The following TRIM37 variants were observed in gnomAD, a reference collection of about 807,000 sequenced individuals.
The protein encoded by TRIM37 is E3 ubiquitin-protein ligase TRIM37.
TRIM37 carries 80 observed loss-of-function variants against 129.8 expected under a neutral mutation model. The observed-to-expected ratio is 0.62, with a 90% CI of 0.51 to 0.74. The LOEUF (loss-of-function observed/expected upper bound fraction) is 0.74, where lower values mean the gene tolerates loss of function less well. TRIM37 is among the 30% of genes least tolerant of loss of function. TRIM37 has a pLI of 0.00. For missense variants in TRIM37, 1,054 were observed against 1,176.5 expected, an observed-to-expected ratio of 0.90 and a Z score of 1.52; for synonymous variants, 389 against 387.1, an observed-to-expected ratio of 1.00 and a Z score of -0.06.
chr17:59,081,350 A>G (rs2043237672), intron 5 of TRIM37, 131 bp from the exon 6 acceptor site: 1 of 1,346,928 alleles, frequency 7.4e-7, no homozygotes, highest in Admixed American at 1.9e-5. Flanking sequence ...AGCTAATTTA[A>G]TTTTGTTGAA....
intron 13 of TRIM37, among the ~76,000 whole-genome samples, chr17:59,053,933 TAAACA>T: frequency 6.6e-6 from 1 of 151,038 alleles, no homozygotes; most frequent in East Asian, 2.0e-4. Flanking sequence ...ACACTGACTC[TAAACA>T]AAACAAAACA....
intron 24 of TRIM37, chr17:58,984,087 A>G (rs2143886028): frequency 6.5e-6 from 1 of 152,744 alleles, no homozygotes; most frequent in African/African-American, 2.4e-5. Context: ...ACATATGTAT[A>G]TACCTTTTCT....
At chr17:59,094,128 A>C (rs778086280) in intron 2 of TRIM37, among the ~76,000 whole-genome samples, 6 of 152,138 alleles carry the variant, frequency 3.9e-5, no homozygotes, top group Non-Finnish European at 8.8e-5. Context: ...CTCTGACCTC[A>C]AGTGATCTGC....
In TRIM37 at chr17:59,035,102, C is replaced by G. The variant is rs971290957; in HGVS notation, c.1754-3012G>C. On this transcript the variant is annotated intron_variant, in intron 17 of 23. Transcript: ENST00000262294. ...TGAGACAAAGTCTTGCTTTGTCACCCAGGCTGGAGTACAGTGGCACAATCT... is the reference window on the plus strand; with the variant it reads ...TGAGACAAAGTCTTGCTTTGTCACCGAGGCTGGAGTACAGTGGCACAATCT... Among the ~76,000 whole-genome samples, 7 of 151,940 alleles carry G rather than the reference C, an allele frequency of 4.6e-5. No homozygotes were observed. The East Asian group carries it at 1.4e-3, about 30-fold the overall frequency.
rs1419588320 is a variant in TRIM37, at chr17:59,075,730, G to C, written c.617-16C>G. 1.3e-5 allele frequency: 21 copies of C among 1,580,546 alleles called. No individual in the cohort carries two copies. The highest frequency in any genetic ancestry group is 1.8e-5 in the Non-Finnish European group (21 of 1,151,600). On this transcript the variant is annotated splice_polypyrimidine_tract_variant and intron_variant, in intron 7 of 23. Coordinates refer to ENST00000262294, the MANE Select transcript of TRIM37 (RefSeq NM_015294.6). ...GTCTTCTGACCTGATGAAAAATAGTGAATCATCAACACTTGGGTTCATTAT... is the reference window on the plus strand; with the variant it reads ...GTCTTCTGACCTGATGAAAAATAGTCAATCATCAACACTTGGGTTCATTAT...
chr17:59,070,764 A>T, intron 9 of TRIM37, 59 bp downstream of exon 9: 1 of 1,550,540 alleles, frequency 6.4e-7, no homozygotes, highest in Non-Finnish European at 8.8e-7. Context: ...CTTTTGAAAC[A>T]AGTATATGCA....
intron 24 of TRIM37, chr17:58,985,227 T>G (rs1452632507): frequency 1.3e-5 from 2 of 152,668 alleles, no homozygotes; most frequent in Non-Finnish European, 2.9e-5. Context: ...TATTTACTGT[T>G]TAAATTTGTG....
At chr17:59,098,871 G>A (rs924516678) in intron 2 of TRIM37, among the ~76,000 whole-genome samples, 2 of 151,878 alleles carry the variant, frequency 1.3e-5, no homozygotes, top group African/African-American at 2.4e-5. Context: ...AACAACCCAA[G>A]TGTCCATCAA....
chr17:59,032,209 C>T, intron 17 of TRIM37, 119 bp from the exon 18 acceptor site: 1 of 1,128,112 alleles, frequency 8.9e-7, no homozygotes, highest in African/African-American at 1.5e-5. Flanking sequence ...CTTAGGAGTT[C>T]AGGTTCATGA....
chr17:59,042,429 T>A (rs2039281326), intron 16 of TRIM37, among the ~76,000 whole-genome samples: 1 of 16,586 alleles, frequency 6.0e-5, no homozygotes. Flanking sequence ...AAAAAAGGAA[T>A]TTAAAAAAAA....
intron 2 of TRIM37, among the ~76,000 whole-genome samples, chr17:59,094,752 G>GAAAAACAAAAAC (rs764299085): frequency 2.0e-5 from 3 of 151,282 alleles, no homozygotes; most frequent in Non-Finnish European, 4.4e-5. Context: ...TTGGCATGGT[G>GAAAAACAAAAAC]AAAAACAAAA....
intron 3 of TRIM37, among the ~76,000 whole-genome samples, chr17:59,090,767 A>G (rs2044224567): frequency 6.6e-6 from 1 of 152,024 alleles, no homozygotes; most frequent in Non-Finnish European, 1.5e-5. Flanking sequence ...CTGGGACTAT[A>G]GTCGCGCGCC....
chr17:58,983,643 C>A (rs2031528307), intron 24 of TRIM37: 1 of 152,554 alleles, frequency 6.6e-6, no homozygotes, highest in Non-Finnish European at 1.5e-5. Flanking sequence ...TATATAATAT[C>A]TATAAACTGT....
At chr17:59,000,017 C>G (rs1416085016) in intron 23 of TRIM37, among the ~76,000 whole-genome samples, 1 of 152,076 alleles carries the variant, frequency 6.6e-6, no homozygotes, top group African/African-American at 2.4e-5. Context: ...AAATATAAAG[C>G]AGAAAATGGC....
At chr17:59,041,499 C>T (rs1260435302) in intron 17 of TRIM37, among the ~76,000 whole-genome samples, 2 of 152,174 alleles carry the variant, frequency 1.3e-5, no homozygotes, top group Non-Finnish European at 2.9e-5. Context: ...CTCTCATTTA[C>T]TAAATTGTTA....
intron 6 of TRIM37, among the ~76,000 whole-genome samples, chr17:59,080,262 G>A (rs1246422810): frequency 6.6e-6 from 1 of 152,008 alleles, no homozygotes; most frequent in Non-Finnish European, 1.5e-5. Flanking sequence ...TCATTCTTGG[G>A]GGCTTATCAC....
At chr17:58,987,149 C>CAA (rs2031893797) in intron 24 of TRIM37, among the ~76,000 whole-genome samples, 1 of 152,094 alleles carries the variant, frequency 6.6e-6, no homozygotes, top group South Asian at 2.1e-4. Flanking sequence ...ACCAGGGAAA[C>CAA]AAATGTGAAA....
intron 7 of TRIM37, among the ~76,000 whole-genome samples, chr17:59,076,951 GT>G (rs1427447109): frequency 6.6e-6 from 1 of 152,052 alleles, no homozygotes; most frequent in Non-Finnish European, 1.5e-5. Context: ...ACCATGCCCG[GT>G]TAATTTTGTA....
intron 6 of TRIM37, among the ~76,000 whole-genome samples, chr17:59,080,602 C>A (rs1325096349): frequency 6.6e-6 from 1 of 152,040 alleles, no homozygotes; most frequent in African/African-American, 2.4e-5. Flanking sequence ...ACCAGCCTGG[C>A]CAATATGGTG....
Sources: allele counts gnomAD v4.1 joint callset (sites outside exome capture counted in the v4.1 genomes callset), GRCh38; gene constraint gnomAD v4.1.1; transcripts MANE v1.5; gene names NCBI Gene and HGNC (gene_info 2026-07-23, HGNC 2026-07-21).